The following MAST3 variants were observed in gnomAD, a reference collection of about 807,000 sequenced individuals.
MAST3 encodes microtubule-associated serine/threonine-protein kinase 3.
MAST3 carries 43 observed loss-of-function variants against 127.0 expected under a neutral mutation model. The ratio of observed to expected loss-of-function variants is 0.34; its 90% confidence interval spans 0.27 to 0.44. The LOEUF is 0.44. MAST3 is among the 20% of genes least tolerant of loss of function. The pLI, the probability that MAST3 is intolerant of heterozygous loss-of-function variation, is 1.00. For synonymous variants in MAST3, 785 were observed against 809.2 expected (o/e 0.97, Z 0.51); for missense variants, 1,390 against 1,919.1 (o/e 0.72, Z 5.15).
chr19:18,145,801 C>T lies in MAST3; in HGVS notation c.3098C>T (p.Thr1033Ile), dbSNP rs2042960158. 1.3e-6 allele frequency: 2 copies of T among 1,591,652 alleles called. No homozygotes were observed. The highest frequency in any genetic ancestry group is 1.7e-6 in the Non-Finnish European group (2 of 1,172,468). ...EAGLRAGDLI[T>I]HINGESVLGL... ...GGCCTGCGGGCTGGGGACCTCATCA[C>T]CCACATCAACGGGGAGTCAGTGCTG... The change falls in exon 25 of 28, where the codon ACC (threonine) becomes ATC (isoleucine). Residue 1033 changes from threonine (T) to isoleucine (I), a missense_variant. Around this residue, in one of 5 missense-constraint regions of MAST3, gnomAD observed 816 missense variants for 934.1 expected, o/e 0.87. Coordinates refer to ENST00000687212, the MANE Select transcript of MAST3 (RefSeq NM_001393504.1). The surrounding 1 kb of genome is among the most constrained non-coding windows in gnomAD (Gnocchi z 5.9).
At chr19:18,126,905 C>T (rs1300719180) in intron 11 of MAST3, among the ~76,000 whole-genome samples, 4 of 151,988 alleles carry the variant, frequency 2.6e-5, no homozygotes, top group African/African-American at 4.8e-5. Flanking sequence ...CTCAGCCTCC[C>T]GAGTAGCTGG....
intron 10 of MAST3, 117 bp from the exon 11 acceptor site, chr19:18,124,525 C>G: frequency 7.2e-7 from 1 of 1,395,620 alleles, no homozygotes; most frequent in Non-Finnish European, 9.8e-7. Flanking sequence ...AAGGAGGCAG[C>G]GGGAGTGGAG....
At chr19:18,114,811 G>C (rs962278770) in intron 3 of MAST3, among the ~76,000 whole-genome samples, 20 of 152,128 alleles carry the variant, frequency 1.3e-4, no homozygotes, top group African/African-American at 4.8e-4. Context: ...TTTCCTTCTG[G>C]AGCCTCAAAT....
At position 18,110,316 on chromosome 19, in the gene MAST3, C is replaced by T. The variant is rs1396742086; in HGVS notation, c.72-336C>T. 1 of 985,408 alleles carries T rather than the reference C, an allele frequency of 1.0e-6. No individual in the cohort carries two copies. The highest frequency in any genetic ancestry group is 1.7e-5 in the African/African-American group (1 of 57,262). 61.0% of individuals were successfully genotyped at this position (985,408 alleles called of 1,614,324 possible). Reference sequence around the variant, plus strand: ...CGCCGCACAGAGGCGGCCTCTGCCTCGGCATGAAGTCCCGCAGGGACAAGC... The same window carrying T: ...CGCCGCACAGAGGCGGCCTCTGCCTTGGCATGAAGTCCCGCAGGGACAAGC... On this transcript the variant is annotated intron_variant, in intron 2 of 27. Transcript: ENST00000687212. The surrounding 1 kb of genome is among the most constrained non-coding windows in gnomAD (Gnocchi z 4.3).
At chr19:18,111,594 G>A (rs1013708259) in intron 3 of MAST3, among the ~76,000 whole-genome samples, 1 of 143,498 alleles carries the variant, frequency 7.0e-6, no homozygotes, top group South Asian at 2.2e-4. Flanking sequence ...GAGTGCAGTG[G>A]TGCAATCTCA....
chr19:18,148,603 G>A (rs749794311), intron 27 of MAST3, among the ~76,000 whole-genome samples: 4 of 152,080 alleles, frequency 2.6e-5, no homozygotes, highest in Non-Finnish European at 4.4e-5. Context: ...TGAGCAGGAG[G>A]CAGAAAAGTC....
intron 15 of MAST3, 150 bp from the exon 16 acceptor site, chr19:18,134,429 C>A: frequency 1.8e-6 from 2 of 1,118,708 alleles, no homozygotes; most frequent in South Asian, 1.7e-5. Context: ...GTAGTTCCAG[C>A]TACTTGGGAG....
chr19:18,099,036 T>G (rs2037295721), intron 1 of MAST3: 2 of 276,954 alleles, frequency 7.2e-6, no homozygotes, highest in South Asian at 3.0e-5. Context: ...TGAAAGAGGT[T>G]GACAGAAGCT....
chr19:18,100,753 GGTCTCTTTTGACTGGAAACCTT>G lies in MAST3; in HGVS notation c.39+2925_39+2946del, dbSNP rs774884604. On this transcript the variant is annotated intron_variant, in intron 1 of 27. Transcript: ENST00000687212. ...GTTGTCTTCATCAGCCCCAGTTTGG[GGTCTCTTTTGACTGGAAACCTT>G]GTTAATGGTCCAGGAGCACCCCAGC... is the stretch of plus-strand genomic sequence containing the variant. Among the ~76,000 whole-genome samples the G allele has an allele frequency of 2.8e-3, 419 of 152,280 alleles. 2 individuals carry two copies. The highest frequency in any genetic ancestry group is 4.2e-3 in the Non-Finnish European group (283 of 68,010).
intron 1 of MAST3, among the ~76,000 whole-genome samples, chr19:18,103,410 G>T (rs966262446): frequency 1.3e-5 from 2 of 152,066 alleles, no homozygotes; most frequent in Non-Finnish European, 2.9e-5. Context: ...GGTGGTGGGC[G>T]CCTGTAATCC....
chr19:18,103,325 G>T (rs939861538), intron 1 of MAST3, among the ~76,000 whole-genome samples: 1 of 152,132 alleles, frequency 6.6e-6, no homozygotes, highest in African/African-American at 2.4e-5. Flanking sequence ...ACTGCTTGAG[G>T]TCAGGAGGTC....
chr19:18,121,957 C>T, intron 5 of MAST3, 35 bp downstream of exon 5: 4 of 1,612,198 alleles, frequency 2.5e-6, no homozygotes, highest in Non-Finnish European at 2.5e-6. Context: ...ACAGTGCGGG[C>T]ACCACGGGCA....
At position 18,144,358 on chromosome 19, in the gene MAST3, A is replaced by G; in HGVS notation, c.2585-108A>G. ...AGAGGGAACTGCATGAGCAAAGGCC[A>G]GGAGGCTGGACTGTGTAAATAGTGA... On this transcript the variant is annotated intron_variant, in intron 22 of 27. Transcript: ENST00000687212. The surrounding 1 kb of genome is among the most constrained non-coding windows in gnomAD (Gnocchi z 4.0). The G allele has an allele frequency of 1.0e-6, 1 of 962,432 alleles. No homozygotes were observed. The highest frequency in any genetic ancestry group is 1.6e-6 in the Non-Finnish European group (1 of 639,610). 59.6% of individuals were successfully genotyped at this position (962,432 alleles called of 1,614,324 possible).
Position 18,144,030 on chromosome 19 carries a change from G to A in MAST3, c.2584+23G>A. ...CTGGTAAGTGGGGCCCTGAGTAAGA[G>A]GGATGATGTCATGGAAGTTTCCCAG... On this transcript the variant is annotated intron_variant, in intron 22 of 27. Coordinates refer to ENST00000687212, the MANE Select transcript of MAST3 (RefSeq NM_001393504.1). The surrounding 1 kb of genome is among the most constrained non-coding windows in gnomAD (Gnocchi z 4.0). 1 of 1,550,514 alleles carries A rather than the reference G, an allele frequency of 6.4e-7. No homozygotes were observed. The highest frequency in any genetic ancestry group is 1.2e-5 in the South Asian group (1 of 84,278).
Position 18,131,991 on chromosome 19 carries a change from G to T in MAST3, c.1515G>T (p.Leu505Phe). 3 of 1,614,206 alleles carry T rather than the reference G, an allele frequency of 1.9e-6. No homozygotes were observed. Among genetic ancestry groups the T allele is most frequent in the Non-Finnish European group, 2.5e-6 (3 of 1,180,046 alleles). ...GCCTGTACTTCGCCGAGACGGTGTT[G>T]GCGCTGGAGTACCTGCATAACTATG... ...MARLYFAETV[L>F]ALEYLHNYGI... The change falls in exon 15 of 28, where the codon TTG becomes TTT. Residue 505 changes from leucine (L) to phenylalanine (F), a missense_variant. Physicochemically the swap from Leu to Phe is conservative, Grantham distance 22. Transcript: ENST00000687212.
At chr19:18,134,455 C>T (rs113094790) in intron 15 of MAST3, 124 bp from the exon 16 acceptor site, 27 of 1,330,758 alleles carry the variant, frequency 2.0e-5, no homozygotes, top group African/African-American at 8.9e-5. Flanking sequence ...GCAGGAGGAT[C>T]GCTAGGGCCC....
intron 18 of MAST3, among the ~76,000 whole-genome samples, 198 bp from the exon 19 acceptor site, chr19:18,137,041 C>G (rs674844): frequency 6.6e-6 from 1 of 152,004 alleles, no homozygotes; most frequent in Admixed American, 6.6e-5. Flanking sequence ...AGACTGGTCT[C>G]GAACTCCTGA....
intron 1 of MAST3, among the ~76,000 whole-genome samples, chr19:18,102,244 G>T (rs535178224): frequency 1.3e-5 from 2 of 150,596 alleles, no homozygotes; most frequent in East Asian, 3.9e-4. Context: ...GCAATGGCAC[G>T]ATCTCGGCTC....
At chr19:18,129,642 G>A (rs1568581158) in intron 13 of MAST3, among the ~76,000 whole-genome samples, 1 of 152,200 alleles carries the variant, frequency 6.6e-6, no homozygotes, top group Non-Finnish European at 1.5e-5. Context: ...TTTGGTGCTA[G>A]CGGTCTTTTA....
Sources: allele counts gnomAD v4.1 joint callset (sites outside exome capture counted in the v4.1 genomes callset), GRCh38; gene constraint gnomAD v4.1.1; regional missense constraint gnomAD v4.1.1; non-coding constraint Gnocchi (gnomAD v3.1); transcripts MANE v1.5; gene names NCBI Gene and HGNC (gene_info 2026-07-23, HGNC 2026-07-21).